Variants in B3GALT1 observed in about 807,000 individuals in gnomAD.
B3GALT1 encodes UDP-Gal:betaGlcNAc beta 1,3-galactosyltransferase, polypeptide 1.
Under a neutral mutation model 23.2 loss-of-function variants are expected in B3GALT1, and 10 were observed. That is an observed-to-expected ratio of 0.43 (90% CI 0.27 to 0.73). The LOEUF (loss-of-function observed/expected upper bound fraction) is 0.73. B3GALT1 is among the 30% of genes least tolerant of loss of function. B3GALT1 has a pLI of 0.21. For missense variants in B3GALT1, 299 were observed against 405.4 expected, an observed-to-expected ratio of 0.74 and a Z score of 2.25; for synonymous variants, 156 against 141.5, an observed-to-expected ratio of 1.10 and a Z score of -0.73.
chr2:167,692,617 G>A (rs1474931649), intron 3 of B3GALT1, among the ~76,000 whole-genome samples: 1 of 151,884 alleles, frequency 6.6e-6, no homozygotes. Context: ...AGTGCCCTGT[G>A]GTTTAAATTT....
chr2:167,603,371 T>C (rs771345644), intron 2 of B3GALT1, among the ~76,000 whole-genome samples: 2 of 152,206 alleles, frequency 1.3e-5, no homozygotes, highest in Non-Finnish European at 2.9e-5. Context: ...TATTGAAACA[T>C]AATATTAGGA....
At chr2:167,783,511 GA>G (rs1025185695) in intron 3 of B3GALT1, among the ~76,000 whole-genome samples, 1 of 124,618 alleles carries the variant, frequency 8.0e-6, no homozygotes, top group African/African-American at 2.5e-5. Context: ...GGAATCTGAA[GA>G]AAAAAAGGAA....
intron 1 of B3GALT1, among the ~76,000 whole-genome samples, chr2:167,297,072 A>G (rs1232341008): frequency 6.6e-6 from 1 of 152,152 alleles, no homozygotes; most frequent in Admixed American, 6.5e-5. Context: ...GGTTAAAGGC[A>G]AAAAAGAGAG....
chr2:167,814,844 C>T (rs543617822), intron 3 of B3GALT1: 1 of 152,320 alleles, frequency 6.6e-6, no homozygotes, highest in Non-Finnish European at 1.5e-5. Context: ...TTCACTGTGG[C>T]TTTTCTGGCA....
At chr2:167,543,391 A>T (rs1180734768) in intron 2 of B3GALT1, among the ~76,000 whole-genome samples, 2 of 152,222 alleles carry the variant, frequency 1.3e-5, no homozygotes, top group East Asian at 3.8e-4. Context: ...TGGATAGAAT[A>T]AAGTAGTTTT....
chr2:167,768,997 A>G (rs1351828435), intron 3 of B3GALT1, among the ~76,000 whole-genome samples: 1 of 152,212 alleles, frequency 6.6e-6, no homozygotes, highest in African/African-American at 2.4e-5. Flanking sequence ...ATATCCTTCC[A>G]GAATTACTTA....
chr2:167,838,550 T>A (rs1232398707), intron 4 of B3GALT1, among the ~76,000 whole-genome samples: 1 of 152,242 alleles, frequency 6.6e-6, no homozygotes, highest in Admixed American at 6.5e-5. Context: ...TTACCGACCA[T>A]AAAGAGTCCA....
chr2:167,703,352 G>A (rs948940734), intron 3 of B3GALT1, among the ~76,000 whole-genome samples: 1 of 152,162 alleles, frequency 6.6e-6, no homozygotes, highest in African/African-American at 2.4e-5. Flanking sequence ...GCAAGTGGCT[G>A]GAGTAGGGGC....
At chr2:167,853,896 A>G (rs2105420645) in intron 4 of B3GALT1, among the ~76,000 whole-genome samples, 1 of 152,286 alleles carries the variant, frequency 6.6e-6, no homozygotes, top group Admixed American at 6.5e-5. Context: ...ATCAGTTGTC[A>G]TCCAGGACAA....
At chr2:167,731,096 C>G (rs1278142638) in intron 3 of B3GALT1, among the ~76,000 whole-genome samples, 2 of 152,174 alleles carry the variant, frequency 1.3e-5, no homozygotes, top group Non-Finnish European at 2.9e-5. Context: ...CTCCTAACCA[C>G]TAAACCATAA....
intron 1 of B3GALT1, among the ~76,000 whole-genome samples, chr2:167,387,601 G>C (rs1040972248): frequency 1.3e-5 from 2 of 152,164 alleles, no homozygotes; most frequent in Non-Finnish European, 2.9e-5. Flanking sequence ...TAAAAACTTC[G>C]AAAGAGGGTC....
chr2:167,714,001 G>T, intron 3 of B3GALT1: 1 of 1,547,844 alleles, frequency 6.5e-7, no homozygotes, highest in Non-Finnish European at 8.9e-7. Flanking sequence ...GAATAAAGCC[G>T]GGGCCAGTTG....
intron 2 of B3GALT1, among the ~76,000 whole-genome samples, chr2:167,590,535 A>G (rs1574155857): frequency 6.6e-6 from 1 of 152,106 alleles, no homozygotes; most frequent in East Asian, 1.9e-4. Flanking sequence ...AATAGAACCC[A>G]AGGGGGGAAA....
intron 3 of B3GALT1, among the ~76,000 whole-genome samples, chr2:167,783,210 A>C (rs1305675179): frequency 6.6e-6 from 1 of 152,120 alleles, no homozygotes; most frequent in Non-Finnish European, 1.5e-5. Flanking sequence ...AAAAAAAAAA[A>C]GTAATGCCTC....
chr2:167,713,862 GA>G, intron 3 of B3GALT1: 1 of 1,591,106 alleles, frequency 6.3e-7, no homozygotes, highest in Non-Finnish European at 8.6e-7. Flanking sequence ...TCCCTTGATA[GA>G]AAATAACCTC....
At chr2:167,404,112 TCCACTCATG>T (rs1269790434) in intron 1 of B3GALT1, among the ~76,000 whole-genome samples, 2 of 152,050 alleles carry the variant, frequency 1.3e-5, no homozygotes. Context: ...TCAAGCTGCT[TCCACTCATG>T]GTGGAAGGTG....
At chr2:167,312,963 T>C (rs186245298) in intron 1 of B3GALT1, among the ~76,000 whole-genome samples, 2 of 152,206 alleles carry the variant, frequency 1.3e-5, no homozygotes, top group African/African-American at 4.8e-5. Flanking sequence ...AAAGAAGGGG[T>C]ATAAAACATA....
chr2:167,702,193 CA>C (rs1460214831), intron 3 of B3GALT1, among the ~76,000 whole-genome samples: 2 of 152,128 alleles, frequency 1.3e-5, no homozygotes, highest in Non-Finnish European at 2.9e-5. Flanking sequence ...CCCAACATGC[CA>C]AAAGCCCAAA....
At chr2:167,354,438 C>G (rs1052840659) in intron 1 of B3GALT1, among the ~76,000 whole-genome samples, 1 of 151,290 alleles carries the variant, frequency 6.6e-6, no homozygotes, top group Non-Finnish European at 1.5e-5. Flanking sequence ...CCTCCGCCTC[C>G]TGGGTTCAAG....
Sources: gnomAD v4.1 joint callset for allele counts (sites outside exome capture counted in the v4.1 genomes callset) on GRCh38, gnomAD v4.1.1 for gene constraint, MANE v1.5 for transcripts, NCBI Gene and HGNC (gene_info 2026-07-23, HGNC 2026-07-21) for gene names.